TMEM120B: variants seen among roughly 807,000 people sequenced by gnomAD.
TMEM120B encodes transmembrane protein 120B.
Under a neutral mutation model 55.5 loss-of-function variants are expected in TMEM120B, and 31 were observed. That is an observed-to-expected ratio of 0.56 (90% CI 0.42 to 0.75). The LOEUF (loss-of-function observed/expected upper bound fraction) is 0.75, where lower values mean the gene tolerates loss of function less well. Ranked by LOEUF, TMEM120B falls within the 30% of genes least tolerant of loss-of-function variation. The pLI is 0.00. For missense variants in TMEM120B, 399 were observed against 425.5 expected (o/e 0.94, Z 0.55); for synonymous variants, 203 against 176.3 (o/e 1.15, Z -1.20).
intron 1 of TMEM120B, among the ~76,000 whole-genome samples, chr12:121,732,783 T>C (rs1018542007): frequency 2.0e-5 from 3 of 151,988 alleles, no homozygotes; most frequent in Admixed American, 6.6e-5. Flanking sequence ...ATCCAGACCA[T>C]CCTGGTTAAC....
Position 121,775,113 on chromosome 12 carries a change from G to A in TMEM120B, c.889G>A (p.Glu297Lys), listed in dbSNP as rs1874192476. ...GCTGTTTGAGCTCTCCAGCCACGAG[G>A]AATGCAGAGAATGGCAGGTATGGGG... ...VTLFELSSHE[E>K]CREWQVFVLA... The change falls in exon 11 of 12, where the codon GAA becomes AAA. Residue 297 changes from glutamate (E) to lysine (K), a missense_variant. Glu to Lys is a moderately conservative substitution (Grantham distance 56, BLOSUM62 1). Coordinates refer to ENST00000449592, the MANE Select transcript of TMEM120B (RefSeq NM_001080825.2). The surrounding 1 kb of genome is among the most constrained non-coding windows in gnomAD (Gnocchi z 4.3). 7.3e-7 allele frequency: 1 copy of A among 1,374,064 alleles called. No individual in the cohort carries two copies. Among genetic ancestry groups the A allele is most frequent in the Admixed American group, 2.0e-5 (1 of 51,246 alleles). The allele number at this position is 1,374,064 out of a possible 1,614,324, so 85.1% of individuals were successfully genotyped here. A position where few individuals can be genotyped will look rare whatever the true frequency, so the allele number is the denominator to read the frequency against.
Position 121,717,454 on chromosome 12 carries a change from T to A in TMEM120B, c.69+4490T>A, listed in dbSNP as rs556205922. 2.6e-5 allele frequency among the ~76,000 whole-genome samples: 4 copies of A among 152,192 alleles called. No individual in the cohort carries two copies. In the South Asian group the frequency reaches 8.3e-4, roughly 32 times the overall value. ...ATCAGCATTATTTCATTAATAACCCTATGAAATTGATCCTAGAATCTCTGT... is the reference window on the plus strand; with the variant it reads ...ATCAGCATTATTTCATTAATAACCCAATGAAATTGATCCTAGAATCTCTGT... On this transcript the variant is annotated intron_variant, in intron 1 of 11. Transcript: ENST00000449592.
chr12:121,774,304 A>T (rs759373014), intron 9 of TMEM120B, among the ~76,000 whole-genome samples: 6 of 152,128 alleles, frequency 3.9e-5, no homozygotes, highest in Non-Finnish European at 8.8e-5. Flanking sequence ...TACTCTCCTA[A>T]GTAGGTCCTC....
In TMEM120B at chr12:121,757,395, G is replaced by A. The variant is rs192310868; in HGVS notation, c.462-4254G>A. 2.3e-3 allele frequency among the ~76,000 whole-genome samples: 345 copies of A among 152,092 alleles called. 1 individual carries two copies. Among genetic ancestry groups the A allele is most frequent in the African/African-American group, 7.7e-3 (318 of 41,496 alleles). Reference sequence around the variant, plus strand: ...CTCACTCTGTCTCCGAGGCTGGAGTGCAGTGGCGCGATCTTGGCTCACTGC... The same window carrying A: ...CTCACTCTGTCTCCGAGGCTGGAGTACAGTGGCGCGATCTTGGCTCACTGC... On this transcript the variant is annotated intron_variant, in intron 5 of 11. Coordinates refer to ENST00000449592, the MANE Select transcript of TMEM120B (RefSeq NM_001080825.2).
At chr12:121,770,732 G>A (rs73411793) in intron 6 of TMEM120B, among the ~76,000 whole-genome samples, 175 bp from the exon 7 acceptor site, 51 of 152,234 alleles carry the variant, frequency 3.4e-4, no homozygotes, top group African/African-American at 1.2e-3. Context: ...GTGTGGGATG[G>A]TGCAGCCCTG....
chr12:121,732,320 T>G (rs1016959954), intron 1 of TMEM120B, among the ~76,000 whole-genome samples: 8 of 152,192 alleles, frequency 5.3e-5, no homozygotes, highest in Non-Finnish European at 8.8e-5. Context: ...CACTCCATGT[T>G]GTCCTCCTCG....
chr12:121,750,506 CA>C, intron 4 of TMEM120B, 67 bp downstream of exon 4: 1 of 1,299,028 alleles, frequency 7.7e-7, no homozygotes, highest in Non-Finnish European at 1.1e-6. Context: ...ACCCACACCC[CA>C]AACCCCACAC....
intron 3 of TMEM120B, among the ~76,000 whole-genome samples, chr12:121,749,927 A>G (rs889646549): frequency 6.6e-6 from 1 of 151,530 alleles, no homozygotes; most frequent in Admixed American, 6.6e-5. Context: ...AAAACAAAAA[A>G]CACTGCAGTG....
chr12:121,757,371 T>A (rs1873510237), intron 5 of TMEM120B, among the ~76,000 whole-genome samples: 2 of 151,956 alleles, frequency 1.3e-5, no homozygotes, highest in Non-Finnish European at 2.9e-5. Context: ...AGACAGAGTC[T>A]CACTCTGTCT....
chr12:121,743,472 C>T lies in TMEM120B; in HGVS notation c.70-157C>T, dbSNP rs572286246. Among the ~76,000 whole-genome samples, 126 of 151,644 alleles carry T rather than the reference C, an allele frequency of 8.3e-4. 5 individuals carry two copies. In the South Asian group the frequency reaches 0.024, roughly 29 times the overall value. ...ACTTGGGAGGCTGAGGCAGGAGAATCGCTTGAACCCAGGAGGCGGAGGTTG... is the reference window on the plus strand; with the variant it reads ...ACTTGGGAGGCTGAGGCAGGAGAATTGCTTGAACCCAGGAGGCGGAGGTTG... On this transcript the variant is annotated intron_variant, in intron 1 of 11. Transcript: ENST00000449592.
In TMEM120B at chr12:121,779,393, A is replaced by C; in HGVS notation, c.*3671A>C. 2 of 1,254,268 alleles carry C rather than the reference A, an allele frequency of 1.6e-6. No homozygotes were observed. Among genetic ancestry groups the C allele is most frequent in the Non-Finnish European group, 2.2e-6 (2 of 903,820 alleles). The allele number at this position is 1,254,268 out of a possible 1,614,324, so 77.7% of individuals were successfully genotyped here. A position where few individuals can be genotyped will look rare whatever the true frequency, so the allele number is the denominator to read the frequency against. On this transcript the variant is annotated 3_prime_UTR_variant, in exon 12 of 12. Transcript: ENST00000449592. The stretch of plus-strand genomic sequence containing the variant: ...TTCCAAGAGTCTAGCCGCAGGCCCC[A>C]GACACCATGAGCTGGAGGGTCGGGA...
intron 5 of TMEM120B, among the ~76,000 whole-genome samples, chr12:121,756,654 A>G (rs1349209258): frequency 6.6e-6 from 1 of 152,162 alleles, no homozygotes; most frequent in Non-Finnish European, 1.5e-5. Context: ...CTGGGAGATG[A>G]TTTCACCAAC....
rs927892063 is a variant in TMEM120B at position 121,760,519 on chromosome 12, A to G, written c.462-1130A>G. ...CAGTTTGTTTCCTGGAGTTGCACAC[A>G]TGCTCACTTGAGGCATCCTTCCCTT... On this transcript the variant is annotated intron_variant, in intron 5 of 11. Coordinates refer to ENST00000449592, the MANE Select transcript of TMEM120B (RefSeq NM_001080825.2). Among the ~76,000 whole-genome samples, 15 of 152,310 alleles carry G rather than the reference A, an allele frequency of 9.8e-5. No individual in the cohort carries two copies. In the South Asian group the frequency reaches 3.1e-3, roughly 32 times the overall value.
At chr12:121,772,572 C>T (rs1163427200) in intron 8 of TMEM120B, among the ~76,000 whole-genome samples, 1 of 151,990 alleles carries the variant, frequency 6.6e-6, no homozygotes, top group Non-Finnish European at 1.5e-5. Flanking sequence ...TTACAGGTGC[C>T]TGCCACCATG....
At chr12:121,730,839 T>C (rs1173901643) in intron 1 of TMEM120B, among the ~76,000 whole-genome samples, 3 of 135,190 alleles carry the variant, frequency 2.2e-5, no homozygotes, top group African/African-American at 5.7e-5. Context: ...ATGCCTGTAA[T>C]CCCAGCTACT....
chr12:121,759,244 T>C (rs1021056393), intron 5 of TMEM120B, among the ~76,000 whole-genome samples: 6 of 150,830 alleles, frequency 4.0e-5, no homozygotes, highest in African/African-American at 1.5e-4. Flanking sequence ...CTCCCGTTAG[T>C]GGTGGTAGTA....
chr12:121,752,043 AG>A, intron 4 of TMEM120B, 84 bp from the exon 5 acceptor site: 1 of 1,121,908 alleles, frequency 8.9e-7, no homozygotes, highest in East Asian at 2.4e-5. Context: ...CTGAAGGACA[AG>A]GGTCTGATGG....
chr12:121,742,687 G>A (rs1872967467), intron 1 of TMEM120B, among the ~76,000 whole-genome samples: 1 of 141,814 alleles, frequency 7.1e-6, no homozygotes, highest in Admixed American at 6.9e-5. Flanking sequence ...CTGGGTTCAA[G>A]TGATTCTCCT....
intron 1 of TMEM120B, among the ~76,000 whole-genome samples, chr12:121,734,643 G>A (rs958565470): frequency 1.3e-5 from 2 of 151,988 alleles, no homozygotes; most frequent in African/African-American, 2.4e-5. Flanking sequence ...GCTGGGCATG[G>A]TGGCTCACAC....
Sources: allele counts gnomAD v4.1 joint callset (sites outside exome capture counted in the v4.1 genomes callset), GRCh38; gene constraint gnomAD v4.1.1; non-coding constraint Gnocchi (gnomAD v3.1); transcripts MANE v1.5; gene names NCBI Gene and HGNC (gene_info 2026-07-23, HGNC 2026-07-21).